The following PATL1 variants were observed in gnomAD, a reference collection of about 807,000 sequenced individuals.
PATL1 encodes the protein protein PAT1 homolog 1.
Under a neutral mutation model 100.6 loss-of-function variants are expected in PATL1, and 32 were observed. The observed-to-expected ratio is 0.32, with a 90% CI of 0.24 to 0.43. The LOEUF is 0.43. Among genes scored for constraint, PATL1 ranks in the 20% least tolerant of loss-of-function variants. PATL1 has a pLI of 1.00. For missense variants in PATL1, 747 were observed against 949.9 expected, an observed-to-expected ratio of 0.79 and a Z score of 2.81; for synonymous variants, 332 against 330.0, an observed-to-expected ratio of 1.01 and a Z score of -0.07.
At position 59,655,974 on chromosome 11, in the gene PATL1, C is replaced by G. The variant is rs1227136607; in HGVS notation, c.795G>C (p.Gln265His). The change falls in exon 7 of 19, where the codon CAG becomes CAC. Residue 265 changes from glutamine (Q) to histidine (H), a missense_variant. Physicochemically the swap from Gln to His is conservative, Grantham distance 24 (BLOSUM62 0). Transcript: ENST00000300146. The part of the protein sequence containing the change: ...PPVLSPLQRA[Q>H]LLGGAQLQPG... ...GGCTTACCTGTGCTCCTCCAAGAAG[C>G]TGTGCTCTCTGGAGGGGGCTGAGAA... is the stretch of plus-strand genomic sequence containing the variant. The G allele has an allele frequency of 1.3e-6, 2 of 1,597,110 alleles. No homozygotes were observed. Among genetic ancestry groups the G allele is most frequent in the South Asian group, 1.1e-5 (1 of 88,254 alleles).
rs543005540 is a variant in PATL1 at position 59,658,703 on chromosome 11, C to T, written c.426+163G>A. On this transcript the variant is annotated intron_variant, in intron 4 of 18. Transcript: ENST00000300146. ...TCCAATGGCTCCCTTGCAACCTTTA[C>T]CCTGGAGGCTAAAGAAAGGCATAGC... is the stretch of plus-strand genomic sequence containing the variant. 3.3e-5 allele frequency among the ~76,000 whole-genome samples: 5 copies of T among 152,220 alleles called. No individual in the cohort carries two copies. In the South Asian group the frequency reaches 1.0e-3, roughly 32 times the overall value.
At position 59,664,201 on chromosome 11, in the gene PATL1, G is replaced by T. The variant is rs562560861; in HGVS notation, c.127+2652C>A. On this transcript the variant is annotated intron_variant, in intron 2 of 18. Coordinates refer to ENST00000300146, the MANE Select transcript of PATL1 (RefSeq NM_152716.3). ...TGTTCTTTTACTGTGTAAACCTAAT[G>T]GCTTTTTCAGCACGTGTACACTTTT... Among the ~76,000 whole-genome samples the T allele has an allele frequency of 7.8e-4, 119 of 152,182 alleles. 2 individuals are homozygous for T. In the South Asian group the frequency reaches 0.011, roughly 14 times the overall value.
At chr11:59,641,234 C>A (rs1248280431) in intron 16 of PATL1, among the ~76,000 whole-genome samples, 10 of 150,626 alleles carry the variant, frequency 6.6e-5, no homozygotes. Context: ...GTGGGAGGAT[C>A]GCTTTGAGTA....
At chr11:59,657,324 A>G (rs1216944885) in intron 5 of PATL1, among the ~76,000 whole-genome samples, 2 of 152,106 alleles carry the variant, frequency 1.3e-5, no homozygotes, top group Admixed American at 6.5e-5. Flanking sequence ...TTCTCCCCCA[A>G]TTAAAAGGCA....
At chr11:59,649,391 A>C in intron 14 of PATL1, 71 bp downstream of exon 14, 1 of 1,542,970 alleles carries the variant, frequency 6.5e-7, no homozygotes, top group Non-Finnish European at 8.8e-7. Context: ...AAAAGGCAAA[A>C]ATGTATGAAA....
At position 59,649,615 on chromosome 11, in the gene PATL1, G is replaced by C. The variant is rs1487606542; in HGVS notation, c.1585-5C>G. The C allele has an allele frequency of 6.2e-7, 1 of 1,611,020 alleles. No homozygotes were observed. Among genetic ancestry groups the C allele is most frequent in the Non-Finnish European group, 8.5e-7 (1 of 1,178,490 alleles). On this transcript the variant is annotated splice_polypyrimidine_tract_variant and splice_region_variant and intron_variant, in intron 13 of 18. Transcript: ENST00000300146. ...ATCAAGGAGTAAGCTGTAGGTCTAAGAAGGGAGACAAAAGCAGGCCACAGC... is the reference window on the plus strand; with the variant it reads ...ATCAAGGAGTAAGCTGTAGGTCTAACAAGGGAGACAAAAGCAGGCCACAGC...
intron 1 of PATL1, 33 bp downstream of exon 1, chr11:59,668,840 CGGGAGGGA>C: frequency 1.2e-6 from 1 of 814,924 alleles, no homozygotes; most frequent in Non-Finnish European, 1.8e-6. Context: ...GAGAGGGGCG[CGGGAGGGA>C]GGGAGGGGTC....
chr11:59,651,750 A>G (rs1861446632), intron 11 of PATL1, 109 bp from the exon 12 acceptor site: 2 of 704,658 alleles, frequency 2.8e-6, no homozygotes, highest in Admixed American at 5.2e-5. Context: ...CTCATAGTCT[A>G]ATAACTTACT....
intron 16 of PATL1, chr11:59,639,614 A>G: frequency 2.2e-6 from 1 of 459,060 alleles, no homozygotes; most frequent in Admixed American, 3.9e-5. Flanking sequence ...ACAGAAACGG[A>G]AAGTCATGGT....
intron 2 of PATL1, 82 bp from the exon 3 acceptor site, chr11:59,659,551 A>T: frequency 8.8e-7 from 1 of 1,132,298 alleles, no homozygotes; most frequent in Non-Finnish European, 1.2e-6. Context: ...TTTTTTTTTT[A>T]GACAGAGTCT....
intron 13 of PATL1, 143 bp from the exon 14 acceptor site, chr11:59,649,753 C>T: frequency 1.1e-6 from 1 of 873,658 alleles, no homozygotes; most frequent in Admixed American, 3.3e-5. Context: ...ATGTAGAAAA[C>T]CATATGAAAT....
At chr11:59,651,407 T>C (rs957266457) in intron 12 of PATL1, 137 bp downstream of exon 12, 34 of 647,610 alleles carry the variant, frequency 5.3e-5, no homozygotes, top group African/African-American at 4.2e-4. Flanking sequence ...TGTGGAAAAC[T>C]AGAATGCATG....
chr11:59,639,381 A>C lies in PATL1; in HGVS notation c.2052T>G (p.Phe684Leu). ...PHLTAVLQNK[F>L]GLSLLLILLS... Reference sequence around the variant, plus strand: ...GGAGGATGAGGAGCAGTGACAGGCCAAACTACGAGAAAAGACAGAGGGAAT... The same window carrying C: ...GGAGGATGAGGAGCAGTGACAGGCCCAACTACGAGAAAAGACAGAGGGAAT... The change falls in exon 17 of 19, where the codon TTT becomes TTG. Residue 684 changes from phenylalanine (F) to leucine (L), a missense_variant and splice_region_variant. Physicochemically the swap from Phe to Leu is conservative, Grantham distance 22 (BLOSUM62 0). This residue lies in a region of PATL1 where 434 missense variants were observed against 596.1 expected (regional missense o/e 0.73). Transcript: ENST00000300146. 1 of 1,549,638 alleles carries C rather than the reference A, an allele frequency of 6.5e-7. No individual in the cohort carries two copies. The highest frequency in any genetic ancestry group is 8.7e-7 in the Non-Finnish European group (1 of 1,146,730).
rs755401807 is a variant in PATL1 at position 59,637,616 on chromosome 11, G to C, written c.*774C>G. ...CAGGAAAAAGACATAACCATGTGTT[G>C]TTTCGATTAAGGTGGACAGAAACTA... On this transcript the variant is annotated 3_prime_UTR_variant, in exon 19 of 19. Coordinates refer to ENST00000300146, the MANE Select transcript of PATL1 (RefSeq NM_152716.3). 4 of 152,494 alleles carry C rather than the reference G, an allele frequency of 2.6e-5. No individual in the cohort carries two copies. Among genetic ancestry groups the C allele is most frequent in the Admixed American group, 6.6e-5 (1 of 15,260 alleles). 9.4% of individuals were successfully genotyped at this position (152,494 alleles called of 1,614,324 possible). A position where few individuals can be genotyped will look rare whatever the true frequency, so the allele number is the denominator to read the frequency against.
chr11:59,657,201 G>A (rs1218518229), intron 5 of PATL1: 2 of 899,938 alleles, frequency 2.2e-6, no homozygotes, highest in African/African-American at 1.8e-5. Context: ...TGTGGACAAT[G>A]CTGTGTGTTC....
chr11:59,656,608 G>A lies in PATL1; in HGVS notation c.622-8C>T. On this transcript the variant is annotated splice_polypyrimidine_tract_variant and splice_region_variant and intron_variant, in intron 5 of 18. Transcript: ENST00000300146. ...AGGCTTCGGACACAGAATCTATCAGGACAAACATATATACAACTACACTCA... is the reference window on the plus strand; with the variant it reads ...AGGCTTCGGACACAGAATCTATCAGAACAAACATATATACAACTACACTCA... 1 of 1,609,092 alleles carries A rather than the reference G, an allele frequency of 6.2e-7. No homozygotes were observed. Among genetic ancestry groups the A allele is most frequent in the Non-Finnish European group, 8.5e-7 (1 of 1,175,542 alleles).
intron 13 of PATL1, among the ~76,000 whole-genome samples, chr11:59,649,903 C>T (rs758907846): frequency 7.9e-5 from 12 of 152,194 alleles, no homozygotes; most frequent in African/African-American, 2.2e-4. Context: ...GGGCGGATCA[C>T]GTGAGGTTGG....
At chr11:59,649,224 C>A (rs1861406407) in intron 14 of PATL1, among the ~76,000 whole-genome samples, 1 of 152,186 alleles carries the variant, frequency 6.6e-6, no homozygotes, top group Non-Finnish European at 1.5e-5. Context: ...CTGTCCCCAG[C>A]AGATACTATG....
chr11:59,640,204 G>T (rs112238811), intron 16 of PATL1, among the ~76,000 whole-genome samples: 12,087 of 152,040 alleles, frequency 0.079, 1,059 homozygotes, highest in African/African-American at 0.2. Flanking sequence ...AGCCAGGCAC[G>T]GTGGCACATG....
Sources: gnomAD v4.1 joint callset for allele counts (sites outside exome capture counted in the v4.1 genomes callset) on GRCh38, gnomAD v4.1.1 for gene constraint, gnomAD v4.1.1 regional missense constraint, MANE v1.5 for transcripts, NCBI Gene and HGNC (gene_info 2026-07-23, HGNC 2026-07-21) for gene names.